GPHN: variants seen among roughly 807,000 people sequenced by gnomAD.
GPHN encodes gephyrin.
A neutral mutation model predicts 95.5 loss-of-function variants in GPHN; 17 were observed. The observed-to-expected ratio is 0.18, with a 90% CI of 0.12 to 0.27. GPHN has a LOEUF of 0.27. GPHN is among the 10% of genes least tolerant of loss of function. The pLI, the probability that GPHN is intolerant of heterozygous loss-of-function variation, is 1.00. For synonymous variants in GPHN, 320 were observed against 322.5 expected (o/e 0.99, Z 0.08); for missense variants, 660 against 978.1 (o/e 0.67, Z 4.34).
chr14:66,530,952 G>GTTTTTTTTT (rs1566553091), intron 1 of GPHN, among the ~76,000 whole-genome samples: 1 of 118,122 alleles, frequency 8.5e-6, no homozygotes, highest in African/African-American at 4.5e-5. Flanking sequence ...TTGTTTGTTA[G>GTTTTTTTTT]ATTTTTTTTT....
intron 5 of GPHN, among the ~76,000 whole-genome samples, chr14:66,883,268 C>A (rs868329552): frequency 2.0e-5 from 3 of 151,788 alleles, no homozygotes; most frequent in African/African-American, 4.8e-5. Context: ...AATTAGCTGA[C>A]TTTTCCCCTC....
chr14:67,476,157 T>C, the GPHN span, among the ~76,000 whole-genome samples: 1 of 152,226 alleles, frequency 6.6e-6, no homozygotes, highest in African/African-American at 2.4e-5. Flanking sequence ...GCATCTGTAG[T>C]ATGCACACCT....
chr14:67,690,065 G>A, the GPHN span: 1 of 658,036 alleles, frequency 1.5e-6, no homozygotes, highest in Non-Finnish European at 2.6e-6. Flanking sequence ...ATATTCAGTT[G>A]TAGACTACTT....
intron 12 of GPHN, 50 bp downstream of exon 12, chr14:67,089,125 C>CTTTTTTTTTTTTTTTTT (rs1264164364): frequency 3.9e-5 from 13 of 329,556 alleles, no homozygotes; most frequent in African/African-American, 5.5e-5. Flanking sequence ...ATTTTTTTTT[C>CTTTTTTTTTTTTTTTTT]TTTTTTTCTT....
At chr14:66,760,307 G>A (rs1161816447) in intron 2 of GPHN, among the ~76,000 whole-genome samples, 2 of 152,136 alleles carry the variant, frequency 1.3e-5, no homozygotes, top group South Asian at 4.1e-4. Context: ...AGTGTATCAA[G>A]AGTCTTTATA....
Position 66,612,659 on chromosome 14 carries a change from C to T in GPHN, c.65-68448C>T, listed in dbSNP as rs142466921. 3.1e-3 allele frequency among the ~76,000 whole-genome samples: 476 copies of T among 152,166 alleles called. 2 individuals are homozygous for T. The highest frequency in any genetic ancestry group is 0.011 in the African/African-American group (450 of 41,546). On this transcript the variant is annotated intron_variant, in intron 1 of 22. Coordinates refer to ENST00000478722, the MANE Select transcript of GPHN (RefSeq NM_020806.5). ...TAAGTAAACACATGAAACCCAATCC[C>T]CCTTTCAAAGTATAGATAGAATGTT... is the stretch of plus-strand genomic sequence containing the variant.
the GPHN span, among the ~76,000 whole-genome samples, chr14:67,298,430 G>A: frequency 6.6e-6 from 1 of 151,332 alleles, no homozygotes; most frequent in Non-Finnish European, 1.5e-5. Flanking sequence ...CAGGAGAATC[G>A]CTTGAACCCG....
chr14:66,553,282 C>T (rs746757829), intron 1 of GPHN, among the ~76,000 whole-genome samples: 6 of 152,182 alleles, frequency 3.9e-5, no homozygotes, highest in Admixed American at 3.3e-4. Flanking sequence ...TGAGCTACCG[C>T]ACCTGGCCCT....
chr14:67,459,891 ATGAC>A, the GPHN span, among the ~76,000 whole-genome samples: 1 of 152,232 alleles, frequency 6.6e-6, no homozygotes, highest in Non-Finnish European at 1.5e-5. Context: ...TTTAAAACGG[ATGAC>A]TGAAGCATTC....
At chr14:66,743,988 T>A (rs1158748290) in intron 2 of GPHN, among the ~76,000 whole-genome samples, 1 of 152,134 alleles carries the variant, frequency 6.6e-6, no homozygotes, top group East Asian at 1.9e-4. Context: ...AACCTGTTAT[T>A]TACACTACTA....
chr14:66,714,063 C>T (rs2153423843), intron 2 of GPHN, among the ~76,000 whole-genome samples: 1 of 152,266 alleles, frequency 6.6e-6, no homozygotes, highest in South Asian at 2.1e-4. Context: ...ACCACCATGC[C>T]AGGCCCAGTA....
chr14:67,514,518 A>C, the GPHN span, among the ~76,000 whole-genome samples: 1 of 151,992 alleles, frequency 6.6e-6, no homozygotes, highest in African/African-American at 2.4e-5. Context: ...TGTGGGGTCC[A>C]TCACCCAGTT....
chr14:66,698,584 A>G (rs957902673), intron 2 of GPHN, among the ~76,000 whole-genome samples: 1 of 152,228 alleles, frequency 6.6e-6, no homozygotes, highest in African/African-American at 2.4e-5. Context: ...TGGAAAGACA[A>G]TGATACATGA....
At chr14:67,293,232 G>A in the GPHN span, among the ~76,000 whole-genome samples, 1 of 151,954 alleles carries the variant, frequency 6.6e-6, no homozygotes, top group African/African-American at 2.4e-5. Flanking sequence ...TTAAATTCTT[G>A]TTTCTGATGC....
At chr14:66,832,613 A>T (rs2061622992) in intron 4 of GPHN, among the ~76,000 whole-genome samples, 1 of 152,126 alleles carries the variant, frequency 6.6e-6, no homozygotes, top group African/African-American at 2.4e-5. Flanking sequence ...TCATAGGCAC[A>T]CTTAAGACCT....
At chr14:67,673,531 C>T in the GPHN span, among the ~76,000 whole-genome samples, 1 of 152,156 alleles carries the variant, frequency 6.6e-6, no homozygotes, top group Non-Finnish European at 1.5e-5. Flanking sequence ...GCACCTAGAA[C>T]GGTGCCTCAC....
At chr14:67,633,078 C>T in the GPHN span, among the ~76,000 whole-genome samples, 5 of 151,936 alleles carry the variant, frequency 3.3e-5, no homozygotes, top group Admixed American at 6.6e-5. Context: ...CCTCGGCCTC[C>T]GAAAGTGCTG....
chr14:66,522,406 A>G (rs1358882565), intron 1 of GPHN, among the ~76,000 whole-genome samples: 1 of 152,198 alleles, frequency 6.6e-6, no homozygotes, highest in Admixed American at 6.5e-5. Context: ...ATGCTTTTAC[A>G]TGATCAAATA....
intron 10 of GPHN, among the ~76,000 whole-genome samples, chr14:67,057,527 C>A (rs1425545089): frequency 2.0e-5 from 3 of 152,100 alleles, no homozygotes; most frequent in African/African-American, 7.2e-5. Context: ...AGCAAACCAC[C>A]ATGGCACAAG....
Sources: gnomAD v4.1 joint callset for allele counts (sites outside exome capture counted in the v4.1 genomes callset) on GRCh38, gnomAD v4.1.1 for gene constraint, MANE v1.5 for transcripts, NCBI Gene and HGNC (gene_info 2026-07-23, HGNC 2026-07-21) for gene names.